The following UNC13C variants were observed in gnomAD, a reference collection of about 807,000 sequenced individuals.
The protein encoded by UNC13C is protein unc-13 homolog C.
UNC13C carries 174 observed loss-of-function variants against 245.4 expected under a neutral mutation model. The ratio of observed to expected loss-of-function variants is 0.71; its 90% confidence interval spans 0.63 to 0.80. The LOEUF is 0.80. Among genes scored for constraint, UNC13C ranks in the 30% least tolerant of loss-of-function variants. The probability of loss-of-function intolerance (pLI) is 0.00; values close to 1 mark genes in which losing one functional copy is unlikely to be tolerated. For synonymous variants in UNC13C, 992 were observed against 895.1 expected, an observed-to-expected ratio of 1.11 and a Z score of -1.93; for missense variants, 2,829 against 2,602.9, an observed-to-expected ratio of 1.09 and a Z score of -1.89.
the UNC13C span, among the ~76,000 whole-genome samples, chr15:53,904,198 C>T: frequency 2.0e-5 from 3 of 152,122 alleles, no homozygotes; most frequent in Non-Finnish European, 4.4e-5. Flanking sequence ...GGTAGACTCT[C>T]TTGGTTCAGT....
chr15:54,307,534 G>A (rs1340071099), intron 13 of UNC13C, among the ~76,000 whole-genome samples: 1 of 151,924 alleles, frequency 6.6e-6, no homozygotes, highest in Non-Finnish European at 1.5e-5. Flanking sequence ...GATAGCTCTT[G>A]TCTCTAGTAA....
chr15:54,270,018 T>C (rs538273675), intron 10 of UNC13C, among the ~76,000 whole-genome samples: 1 of 152,328 alleles, frequency 6.6e-6, no homozygotes, highest in South Asian at 2.1e-4. Flanking sequence ...GTCTCCTTTT[T>C]AAATGCCAAC....
At chr15:54,427,242 A>AT (rs1293083568) in intron 19 of UNC13C, among the ~76,000 whole-genome samples, 1 of 151,766 alleles carries the variant, frequency 6.6e-6, no homozygotes, top group Admixed American at 6.6e-5. Flanking sequence ...GGGGGAGATA[A>AT]TTGAATCATG....
At chr15:53,874,823 C>T in the UNC13C span, among the ~76,000 whole-genome samples, 13 of 152,304 alleles carry the variant, frequency 8.5e-5, no homozygotes, top group South Asian at 2.1e-4. Flanking sequence ...TGGCTAGGCG[C>T]GGTGGCTCAC....
chr15:54,245,554 G>A (rs2035969558), intron 7 of UNC13C, among the ~76,000 whole-genome samples: 1 of 152,056 alleles, frequency 6.6e-6, no homozygotes, highest in Non-Finnish European at 1.5e-5. Context: ...AGTTTTATAG[G>A]ATGATTACTT....
intron 19 of UNC13C, among the ~76,000 whole-genome samples, chr15:54,466,789 G>C (rs1892196316): frequency 6.6e-6 from 1 of 151,726 alleles, no homozygotes; most frequent in Non-Finnish European, 1.5e-5. Flanking sequence ...TATTATTTTA[G>C]TAATTTGAAA....
chr15:53,983,793 A>G (rs1894019153), intron 1 of UNC13C, among the ~76,000 whole-genome samples: 1 of 151,904 alleles, frequency 6.6e-6, no homozygotes, highest in South Asian at 2.1e-4. Flanking sequence ...CATGTCTCAA[A>G]AGTCAAGAAA....
chr15:54,083,459 A>G (rs1458671715), intron 2 of UNC13C, among the ~76,000 whole-genome samples: 1 of 152,106 alleles, frequency 6.6e-6, no homozygotes, highest in Admixed American at 6.5e-5. Context: ...ATGCAAGTCC[A>G]AGCAGCACAG....
chr15:54,153,505 A>G (rs2032614037), intron 4 of UNC13C, among the ~76,000 whole-genome samples: 1 of 152,054 alleles, frequency 6.6e-6, no homozygotes, highest in South Asian at 2.1e-4. Context: ...GATCAGTGAC[A>G]GTATCAGAGC....
chr15:53,942,566 GAA>G, the UNC13C span, among the ~76,000 whole-genome samples: 1 of 126,792 alleles, frequency 7.9e-6, no homozygotes, highest in African/African-American at 2.9e-5. Context: ...AATAAAAATT[GAA>G]AAAAAAAAAA....
chr15:54,360,549 A>T (rs1413855520), intron 17 of UNC13C, among the ~76,000 whole-genome samples: 1 of 152,052 alleles, frequency 6.6e-6, no homozygotes, highest in African/African-American at 2.4e-5. Flanking sequence ...TCATTATATA[A>T]TTGCCTTTTG....
At chr15:54,177,254 G>A (rs992978716) in intron 4 of UNC13C, among the ~76,000 whole-genome samples, 1 of 152,094 alleles carries the variant, frequency 6.6e-6, no homozygotes, top group African/African-American at 2.4e-5. Context: ...CTAAACAATA[G>A]TGATGGTAAT....
chr15:54,194,888 A>G (rs564448085), intron 4 of UNC13C, among the ~76,000 whole-genome samples: 1 of 152,276 alleles, frequency 6.6e-6, no homozygotes, highest in African/African-American at 2.4e-5. Context: ...TTTGTGAGAA[A>G]AAAATAAGAC....
At chr15:54,281,823 G>T (rs1045560310) in intron 10 of UNC13C, among the ~76,000 whole-genome samples, 2 of 152,134 alleles carry the variant, frequency 1.3e-5, no homozygotes, top group African/African-American at 4.8e-5. Flanking sequence ...TAGTACAATA[G>T]TCAACAAGTG....
the UNC13C span, among the ~76,000 whole-genome samples, chr15:53,906,430 A>C: frequency 6.6e-6 from 1 of 152,330 alleles, no homozygotes; most frequent in South Asian, 2.1e-4. Context: ...CAAAATTATG[A>C]CACTCAGCAT....
intron 1 of UNC13C, among the ~76,000 whole-genome samples, chr15:53,992,904 C>T (rs1259913798): frequency 2.6e-5 from 4 of 152,086 alleles, no homozygotes; most frequent in Non-Finnish European, 5.9e-5. Flanking sequence ...CCCTGAACCT[C>T]TCAAATACCT....
intron 2 of UNC13C, among the ~76,000 whole-genome samples, chr15:54,058,465 A>C (rs1897646255): frequency 6.6e-6 from 1 of 152,352 alleles, no homozygotes; most frequent in South Asian, 2.1e-4. Flanking sequence ...TTGAGGCAAT[A>C]ATTAATAGCT....
chr15:53,894,367 T>A, the UNC13C span, among the ~76,000 whole-genome samples: 1 of 152,248 alleles, frequency 6.6e-6, no homozygotes, highest in Non-Finnish European at 1.5e-5. Context: ...TTTACCTAAA[T>A]ATTCTTATAG....
intron 4 of UNC13C, among the ~76,000 whole-genome samples, chr15:54,144,399 T>C (rs2032165546): frequency 6.6e-6 from 1 of 152,158 alleles, no homozygotes; most frequent in Admixed American, 6.5e-5. Context: ...AATTTAATGC[T>C]GACTTTGTAT....
Sources: allele counts gnomAD v4.1 joint callset (sites outside exome capture counted in the v4.1 genomes callset), GRCh38; gene constraint gnomAD v4.1.1; transcripts MANE v1.5; gene names NCBI Gene and HGNC (gene_info 2026-07-23, HGNC 2026-07-21).